SLC35F4: variants seen among roughly 807,000 people sequenced by gnomAD.
The protein encoded by SLC35F4 is chromosome 14 open reading frame 36.
SLC35F4 carries 24 observed loss-of-function variants against 44.2 expected under a neutral mutation model. The ratio of observed to expected loss-of-function variants is 0.54; its 90% CI spans 0.39 to 0.76. The LOEUF (loss-of-function observed/expected upper bound fraction) is 0.76, where lower values mean the gene tolerates loss of function less well. Among genes scored for constraint, SLC35F4 ranks in the 30% least tolerant of loss-of-function variants. SLC35F4 has a pLI of 0.00. For missense variants in SLC35F4, 562 were observed against 586.1 expected (o/e 0.96, Z 0.42); for synonymous variants, 238 against 223.6 (o/e 1.06, Z -0.57).
chr14:57,617,660 T>C (rs979386149), intron 1 of SLC35F4, among the ~76,000 whole-genome samples: 3 of 152,058 alleles, frequency 2.0e-5, no homozygotes, highest in African/African-American at 7.2e-5. Flanking sequence ...AAGCTGGCAA[T>C]TGCAATAGTA....
At chr14:57,867,006 C>G (rs899645573), upstream of SLC35F4, among the ~76,000 whole-genome samples, 3 of 119,576 alleles carry the variant, frequency 2.5e-5, no homozygotes, top group African/African-American at 5.9e-5. Flanking sequence ...TAATAATTTT[C>G]AAAGTTTCAT....
Position 57,829,401 on chromosome 14 carries a change from C to A in SLC35F4, c.103+36322G>T, listed in dbSNP as rs11624254. 4.6e-5 allele frequency among the ~76,000 whole-genome samples: 7 copies of A among 152,050 alleles called. No homozygotes were observed. The East Asian group carries it at 5.8e-4, about 13-fold the overall frequency. ...TGGAAGTGACTCTCAAACAGGTGCC[C>A]TGCTGTCATACTTTATTAATGAGAA... is the stretch of plus-strand genomic sequence containing the variant. On this transcript the variant is annotated intron_variant, in intron 1 of 7. Coordinates refer to ENST00000556826, the MANE Select transcript of SLC35F4 (RefSeq NM_001306087.2).
chr14:57,657,346 T>C (rs1319275655), intron 1 of SLC35F4, among the ~76,000 whole-genome samples: 1 of 152,218 alleles, frequency 6.6e-6, no homozygotes, highest in African/African-American at 2.4e-5. Flanking sequence ...GCACTGATGC[T>C]GATACATCAA....
chr14:57,681,869 A>C (rs575072596), intron 1 of SLC35F4, among the ~76,000 whole-genome samples: 1 of 151,610 alleles, frequency 6.6e-6, no homozygotes, highest in African/African-American at 2.4e-5. Flanking sequence ...GAAGACATTT[A>C]TGTGGCCAAT....
chr14:57,573,598 C>A (rs777841248), intron 4 of SLC35F4, among the ~76,000 whole-genome samples: 24 of 152,046 alleles, frequency 1.6e-4, no homozygotes, highest in Non-Finnish European at 4.4e-5. Flanking sequence ...GGTCTAGACT[C>A]ATCAATACAC....
intron 1 of SLC35F4, among the ~76,000 whole-genome samples, chr14:57,739,413 A>C (rs2076549265): frequency 1.3e-5 from 2 of 152,234 alleles, no homozygotes; most frequent in Admixed American, 1.3e-4. Flanking sequence ...GAGTAAAAAA[A>C]CACAGAACTG....
upstream of SLC35F4, among the ~76,000 whole-genome samples, chr14:57,870,023 T>A (rs1888261833): frequency 6.6e-6 from 1 of 152,168 alleles, no homozygotes; most frequent in African/African-American, 2.4e-5. Flanking sequence ...ATCCCAGGAC[T>A]AATTTTGAGG....
intron 1 of SLC35F4, among the ~76,000 whole-genome samples, chr14:57,736,326 C>G (rs1243010713): frequency 6.6e-6 from 1 of 152,172 alleles, no homozygotes; most frequent in Non-Finnish European, 1.5e-5. Context: ...GGTTTTCTCC[C>G]CTCCACAGTA....
intron 1 of SLC35F4, among the ~76,000 whole-genome samples, chr14:57,781,890 A>C (rs1387555424): frequency 6.6e-6 from 1 of 152,190 alleles, no homozygotes. Context: ...AGAGAGGAAC[A>C]ACAGACACTA....
chr14:57,767,072 G>A (rs1376042079), intron 1 of SLC35F4, among the ~76,000 whole-genome samples: 3 of 152,120 alleles, frequency 2.0e-5, no homozygotes, highest in African/African-American at 7.2e-5. Context: ...AAACAACAGA[G>A]CCTCAATATA....
At chr14:57,947,707 C>A (rs943657958) in intron 1 of SLC35F4, among the ~76,000 whole-genome samples, 11 of 152,110 alleles carry the variant, frequency 7.2e-5, no homozygotes, top group African/African-American at 2.4e-4. Flanking sequence ...CCCATCTACA[C>A]CAATTTTGCT....
At chr14:57,776,866 A>G (rs1032399469) in intron 1 of SLC35F4, among the ~76,000 whole-genome samples, 28 of 152,134 alleles carry the variant, frequency 1.8e-4, no homozygotes, top group African/African-American at 6.8e-4. Flanking sequence ...CTTTGGAAAC[A>G]CAGGAGAAAT....
intron 1 of SLC35F4, among the ~76,000 whole-genome samples, chr14:57,890,018 C>T (rs11158181): frequency 0.27 from 41,118 of 152,076 alleles, 6,118 homozygotes; most frequent in African/African-American, 0.4. Context: ...TCACTCCCTG[C>T]CTCCTCTCAC....
intron 1 of SLC35F4, among the ~76,000 whole-genome samples, chr14:57,771,889 T>C (rs1389293184): frequency 6.6e-6 from 1 of 152,224 alleles, no homozygotes; most frequent in Non-Finnish European, 1.5e-5. Context: ...CCACTGTGCC[T>C]GGTCTGAATA....
chr14:57,697,152 T>G (rs1474454845), intron 1 of SLC35F4, among the ~76,000 whole-genome samples: 1 of 152,168 alleles, frequency 6.6e-6, no homozygotes, highest in East Asian at 1.9e-4. Flanking sequence ...CCTACAAATT[T>G]TGATATGTTG....
intron 1 of SLC35F4, among the ~76,000 whole-genome samples, chr14:57,804,219 T>C (rs560392131): frequency 3.9e-5 from 6 of 152,310 alleles, no homozygotes; most frequent in Non-Finnish European, 8.8e-5. Flanking sequence ...GATTCAATGT[T>C]ATTCCCATTA....
chr14:57,648,110 T>C (rs1157819707), intron 1 of SLC35F4, among the ~76,000 whole-genome samples: 3 of 152,218 alleles, frequency 2.0e-5, no homozygotes, highest in Admixed American at 6.5e-5. Context: ...TAGCACGATT[T>C]CTTTAAATGC....
rs951075111 is a variant in SLC35F4, at chr14:57,865,975, C to T, written c.-150G>A. 9.2e-6 allele frequency: 4 copies of T among 436,894 alleles called. No homozygotes were observed. The Admixed American group carries it at 1.4e-4, about 16-fold the overall frequency. The allele number at this position is 436,894 out of a possible 1,614,324, so 27.1% of individuals were successfully genotyped here. ...CTGACTCCACCGCCCGGCGCAGCAC[C>T]GGCTCCGCATCACAGCGGCGGCGGC... On this transcript the variant is annotated 5_prime_UTR_variant, in exon 1 of 8. Transcript: ENST00000556826.
At chr14:57,583,881 G>GGGATGATGAGATCAGAC (rs1352603760) in intron 3 of SLC35F4, among the ~76,000 whole-genome samples, 2 of 152,220 alleles carry the variant, frequency 1.3e-5, no homozygotes, top group African/African-American at 4.8e-5. Context: ...GTTTCTCTTT[G>GGGATGATGAGATCAGAC]GGATGATGAG....
Sources: allele counts gnomAD v4.1 joint callset (sites outside exome capture counted in the v4.1 genomes callset), GRCh38; gene constraint gnomAD v4.1.1; transcripts MANE v1.5; gene names NCBI Gene and HGNC (gene_info 2026-07-23, HGNC 2026-07-21).